Variants in VWA3B observed in about 807,000 individuals in gnomAD.
VWA3B encodes von Willebrand factor A domain-containing protein 3B.
A neutral mutation model predicts 158.3 loss-of-function variants in VWA3B; 138 were observed. That is an observed-to-expected ratio of 0.87 (90% CI 0.76 to 1.00). VWA3B has a LOEUF of 1.00. Ranked by LOEUF, VWA3B falls within the 50% of genes least tolerant of loss-of-function variation. The pLI is 0.00. For synonymous variants in VWA3B, 596 were observed against 587.3 expected (o/e 1.01, Z -0.21); for missense variants, 1,555 against 1,565.1 (o/e 0.99, Z 0.11).
chr2:98,290,840 T>G (rs1372285416), intron 23 of VWA3B: 4 of 457,574 alleles, frequency 8.7e-6, no homozygotes, highest in Non-Finnish European at 1.6e-5. Flanking sequence ...TGCACTTATT[T>G]TAATTTCTCA....
At position 98,093,288 on chromosome 2, in the gene VWA3B, G is replaced by A; in HGVS notation, c.196G>A (p.Asp66Asn). Residue 66 changes from aspartate to asparagine, a missense_variant and splice_region_variant, in exon 2 of 28, where the codon GAT becomes AAT. Physicochemically the swap from Asp to Asn is conservative, Grantham distance 23. Coordinates refer to ENST00000477737, the MANE Select transcript of VWA3B (RefSeq NM_144992.5). ...LSQIGFPHCE[D>N]YVASLGRPVA... ...ACAGATCGGATTCCCACATTGTGAA[G>A]GTACAGTACTCACAAACAACCAGCA... The A allele has an allele frequency of 1.9e-6, 3 of 1,613,402 alleles. No homozygotes were observed. The highest frequency in any genetic ancestry group is 2.5e-6 in the Non-Finnish European group (3 of 1,179,416).
At chr2:98,121,584 TC>T in intron 5 of VWA3B, 126 bp downstream of exon 5, 1 of 1,288,936 alleles carries the variant, frequency 7.8e-7, no homozygotes, top group Non-Finnish European at 1.1e-6. Flanking sequence ...CCGACAGAGA[TC>T]CCATTGGGCA....
rs1006879034 is a variant in VWA3B at position 98,187,895 on chromosome 2, G to A, written c.1312-80G>A. The stretch of plus-strand genomic sequence containing the variant: ...GGAGTGCTAGGAGCCACTTGAATAC[G>A]ACAGAGCTTAAGGTGCCATCTGGAG... On this transcript the variant is annotated intron_variant, in intron 9 of 27. Coordinates refer to ENST00000477737, the MANE Select transcript of VWA3B (RefSeq NM_144992.5). The A allele has an allele frequency of 2.2e-5, 32 of 1,439,754 alleles. 1 individual carries two copies. The highest frequency in any genetic ancestry group is 1.9e-4 in the Middle Eastern group (1 of 5,178). 89.2% of individuals were successfully genotyped at this position (1,439,754 alleles called of 1,614,324 possible). A position where few individuals can be genotyped will look rare whatever the true frequency, so the allele number is the denominator to read the frequency against.
At position 98,188,110 on chromosome 2, in the gene VWA3B, C is replaced by T; in HGVS notation, c.1447C>T (p.Leu483=). Residue 483 remains leucine, a synonymous_variant, in exon 10 of 28, where the codon CTG becomes TTG. Coordinates refer to ENST00000477737, the MANE Select transcript of VWA3B (RefSeq NM_144992.5). The part of the protein sequence containing the change: ...KWYSERIHTA[L]ARIRRRIKWL... ...GTACAGTGAGAGAATCCACACAGCCCTGGCCCGGATCCGAAGGAGGTTGGT... is the reference window on the plus strand; with the variant it reads ...GTACAGTGAGAGAATCCACACAGCCTTGGCCCGGATCCGAAGGAGGTTGGT... 1 of 1,612,914 alleles carries T rather than the reference C, an allele frequency of 6.2e-7. No homozygotes were observed. The highest frequency in any genetic ancestry group is 8.5e-7 in the Non-Finnish European group (1 of 1,179,512).
intron 21 of VWA3B, among the ~76,000 whole-genome samples, chr2:98,264,040 G>A (rs1048242520): frequency 6.6e-6 from 1 of 151,586 alleles, no homozygotes; most frequent in African/African-American, 2.4e-5. Context: ...GCTCTTAGTA[G>A]TCTCATAATC....
intron 19 of VWA3B, among the ~76,000 whole-genome samples, chr2:98,238,977 AT>A (rs1335368277): frequency 6.6e-6 from 1 of 152,236 alleles, no homozygotes; most frequent in Non-Finnish European, 1.5e-5. Context: ...AAAAATGCAA[AT>A]TGATAATCAA....
intron 7 of VWA3B, among the ~76,000 whole-genome samples, chr2:98,142,585 G>A (rs1422843341): frequency 6.6e-6 from 1 of 152,226 alleles, no homozygotes; most frequent in African/African-American, 2.4e-5. Context: ...GTGTGGAGGA[G>A]GAGATAGAGA....
chr2:98,137,973 T>C (rs1203891678), intron 7 of VWA3B, among the ~76,000 whole-genome samples: 1 of 152,236 alleles, frequency 6.6e-6, no homozygotes, highest in Non-Finnish European at 1.5e-5. Context: ...GGGAAAAAAT[T>C]ACCCATTGCA....
chr2:98,210,730 C>T (rs978324135), intron 12 of VWA3B, among the ~76,000 whole-genome samples: 1 of 152,180 alleles, frequency 6.6e-6, no homozygotes, highest in East Asian at 1.9e-4. Flanking sequence ...TCAGTCTCTG[C>T]TCCCTTCTTA....
chr2:98,169,572 A>C (rs528358640), intron 8 of VWA3B, among the ~76,000 whole-genome samples: 3 of 152,342 alleles, frequency 2.0e-5, no homozygotes, highest in African/African-American at 7.2e-5. Flanking sequence ...GTACACTTTA[A>C]AGGTGTATGA....
rs199954612 is a variant in VWA3B at position 98,312,347 on chromosome 2, T to G, written c.3883T>G (p.Ter1295GluextTer32). ...GCTGAGGAGCGTCCCTGAGACACTT[T>G]AAGGCCGTCTGGTGGCAGCTATGTT... ...KGLRSVPETL[*>E] The change falls in exon 28 of 28, where the codon TAA (stop) becomes GAA (glutamate). Residue 1295 changes from the stop codon to glutamate, a stop_lost. Transcript: ENST00000477737. The G allele has an allele frequency of 6.2e-7, 1 of 1,606,050 alleles. No homozygotes were observed. Among genetic ancestry groups the G allele is most frequent in the East Asian group, 2.2e-5 (1 of 44,668 alleles).
intron 22 of VWA3B, among the ~76,000 whole-genome samples, chr2:98,272,846 A>G (rs1447021265): frequency 6.6e-6 from 1 of 152,206 alleles, no homozygotes; most frequent in African/African-American, 2.4e-5. Context: ...CCATTATCAC[A>G]GGAGTGGATT....
Position 98,119,627 on chromosome 2 carries a change from GTCA to G in VWA3B, c.409_411del (p.Ile137del). 1 of 1,614,124 alleles carries G rather than the reference GTCA, an allele frequency of 6.2e-7. No homozygotes were observed. The highest frequency in any genetic ancestry group is 8.5e-7 in the Non-Finnish European group (1 of 1,180,022). On this transcript the variant is annotated inframe_deletion, in exon 4 of 28. Transcript: ENST00000477737. ...CAGCAAGAGCCGGCAGATTTTTGGT[GTCA>G]TCTTGGAACAGTGCGTCACCATAGT...
chr2:98,232,134 A>G (rs1469056839), intron 16 of VWA3B, among the ~76,000 whole-genome samples: 1 of 152,172 alleles, frequency 6.6e-6, no homozygotes, highest in Non-Finnish European at 1.5e-5. Flanking sequence ...TTTCTTTTCC[A>G]GATTTTTCAT....
At chr2:98,115,506 GA>G (rs1472491162) in intron 2 of VWA3B, 145 bp from the exon 3 acceptor site, 2 of 631,046 alleles carry the variant, frequency 3.2e-6, no homozygotes, top group Non-Finnish European at 5.6e-6. Flanking sequence ...AATACTTCAT[GA>G]TTTAGAACAG....
At chr2:98,197,143 T>C (rs1682120512) in intron 12 of VWA3B, among the ~76,000 whole-genome samples, 1 of 152,236 alleles carries the variant, frequency 6.6e-6, no homozygotes, top group Non-Finnish European at 1.5e-5. Context: ...CCTTGTCTTT[T>C]GTGACCTTGA....
In VWA3B at chr2:98,220,887, G is replaced by A. The variant is rs143000304; in HGVS notation, c.2019+2859G>A. On this transcript the variant is annotated intron_variant, in intron 14 of 27. Coordinates refer to ENST00000477737, the MANE Select transcript of VWA3B (RefSeq NM_144992.5). Reference sequence around the variant, plus strand: ...ATACAGGAACAGAAAACCACACACCGCATGTTCTCACTTATAAGTGGGAGC... The same window carrying A: ...ATACAGGAACAGAAAACCACACACCACATGTTCTCACTTATAAGTGGGAGC... 2.5e-4 allele frequency among the ~76,000 whole-genome samples: 38 copies of A among 152,156 alleles called. 1 individual carries two copies. The highest frequency in any genetic ancestry group is 8.2e-4 in the African/African-American group (34 of 41,506).
At chr2:98,286,275 G>A (rs1360948659) in intron 22 of VWA3B, among the ~76,000 whole-genome samples, 1 of 149,122 alleles carries the variant, frequency 6.7e-6, no homozygotes, top group African/African-American at 2.4e-5. Flanking sequence ...ATTTATGCCT[G>A]ACTGTACTGG....
chr2:98,246,187 C>A (rs1453186266), intron 19 of VWA3B, among the ~76,000 whole-genome samples: 1 of 152,002 alleles, frequency 6.6e-6, no homozygotes, highest in Admixed American at 6.5e-5. Flanking sequence ...GTCTTGAAAT[C>A]TCAATTTTTA....
Sources: gnomAD v4.1 joint callset for allele counts (sites outside exome capture counted in the v4.1 genomes callset) on GRCh38, gnomAD v4.1.1 for gene constraint, MANE v1.5 for transcripts, NCBI Gene and HGNC (gene_info 2026-07-23, HGNC 2026-07-21) for gene names.